The following GAREM1 variants were observed in gnomAD, a reference collection of about 807,000 sequenced individuals.
The protein encoded by GAREM1 is GRB2 associated regulator of MAPK1 subtype 1.
In GAREM1, 26 loss-of-function variants were observed where a neutral mutation model predicts 71.3. The observed-to-expected ratio is 0.36, with a 90% CI of 0.27 to 0.51. The LOEUF (loss-of-function observed/expected upper bound fraction) is 0.51. Among genes scored for constraint, GAREM1 ranks in the 20% least tolerant of loss-of-function variants. The pLI is 0.95. For missense variants in GAREM1, 1,026 were observed against 1,103.1 expected (o/e 0.93, Z 0.99); for synonymous variants, 440 against 433.2 (o/e 1.02, Z -0.20).
chr18:32,275,055 T>C lies in GAREM1; in HGVS notation c.1567-4672A>G, dbSNP rs560552472. Among the ~76,000 whole-genome samples, 3 of 152,108 alleles carry C rather than the reference T, an allele frequency of 2.0e-5. No individual in the cohort carries two copies. In the South Asian group the frequency reaches 6.2e-4, roughly 32 times the overall value. On this transcript the variant is annotated intron_variant, in intron 4 of 5. Coordinates refer to ENST00000269209, the MANE Select transcript of GAREM1 (RefSeq NM_001242409.2). ...TTACTGACAAGTCATTTGGGCTGAATGTTAAGTTTTTTTGGTGACCCTGAG... is the reference window on the plus strand; with the variant it reads ...TTACTGACAAGTCATTTGGGCTGAACGTTAAGTTTTTTTGGTGACCCTGAG...
At chr18:32,405,200 CT>C (rs929480602) in intron 1 of GAREM1, among the ~76,000 whole-genome samples, 32 of 149,512 alleles carry the variant, frequency 2.1e-4, no homozygotes, top group African/African-American at 6.9e-4. Flanking sequence ...TTTTTTTTTT[CT>C]TTTTTTTGTC....
Position 32,470,867 on chromosome 18 carries a change from G to T in GAREM1, c.-439C>A, listed in dbSNP as rs1427297250. ...CGGGTCTGAGAAACGCCATAGCAGCGCTCCCAGCACTGACTAATCAACAAG... is the reference window on the plus strand; with the variant it reads ...CGGGTCTGAGAAACGCCATAGCAGCTCTCCCAGCACTGACTAATCAACAAG... On this transcript the variant is annotated 5_prime_UTR_variant, in exon 1 of 6. Coordinates refer to ENST00000269209, the MANE Select transcript of GAREM1 (RefSeq NM_001242409.2). The surrounding 1 kb of genome is among the most constrained non-coding windows in gnomAD (Gnocchi z 4.4). Among the ~76,000 whole-genome samples, 1 of 150,704 alleles carries T rather than the reference G, an allele frequency of 6.6e-6. No individual in the cohort carries two copies. Among genetic ancestry groups the T allele is most frequent in the Non-Finnish European group, 1.5e-5 (1 of 67,554 alleles).
chr18:32,418,563 C>T (rs986631939), intron 1 of GAREM1, among the ~76,000 whole-genome samples: 4 of 152,210 alleles, frequency 2.6e-5, no homozygotes, highest in African/African-American at 9.6e-5. Context: ...AACCTGTATC[C>T]TCAAATCACT....
At chr18:32,452,649 G>C (rs1464179565) in intron 1 of GAREM1, among the ~76,000 whole-genome samples, 1 of 152,154 alleles carries the variant, frequency 6.6e-6, no homozygotes, top group Non-Finnish European at 1.5e-5. Context: ...CCTTGAGGAT[G>C]AGTATCACAT....
chr18:32,313,480 G>A (rs2047344833), intron 2 of GAREM1, among the ~76,000 whole-genome samples: 1 of 152,182 alleles, frequency 6.6e-6, no homozygotes, highest in African/African-American at 2.4e-5. Flanking sequence ...ATGGCAAACA[G>A]CTAAATGACT....
chr18:32,409,324 T>C (rs993997767), intron 1 of GAREM1, among the ~76,000 whole-genome samples: 3 of 152,230 alleles, frequency 2.0e-5, no homozygotes, highest in Non-Finnish European at 2.9e-5. Flanking sequence ...GATCTCTTCC[T>C]ACCTTAAACA....
In GAREM1 at chr18:32,287,628, G is replaced by A. The variant is rs1307052414; in HGVS notation, c.969C>T (p.Val323=). ...VKGESWPETL[V]HHWLGICQEQ... ...CTTGGCAGATACCTAGCCAGTGATG[G>A]ACCAGGGTTTCGGGCCAGCTCTCTC... Residue 323 remains valine, a synonymous_variant, in exon 4 of 6, where the codon GTC becomes GTT. Coordinates refer to ENST00000269209, the MANE Select transcript of GAREM1 (RefSeq NM_001242409.2). This position sits in a 1 kb window ranked among gnomAD's most constrained non-coding sequence, Gnocchi z 5.9. 4 of 1,614,064 alleles carry A rather than the reference G, an allele frequency of 2.5e-6. No individual in the cohort carries two copies. The highest frequency in any genetic ancestry group is 2.5e-6 in the Non-Finnish European group (3 of 1,180,048).
At chr18:32,426,944 C>T (rs965111521) in intron 1 of GAREM1, among the ~76,000 whole-genome samples, 7 of 152,152 alleles carry the variant, frequency 4.6e-5, no homozygotes, top group African/African-American at 1.7e-4. Flanking sequence ...TACACTTTCC[C>T]TCCATATATA....
At chr18:32,375,973 T>C (rs2048026905) in intron 2 of GAREM1, among the ~76,000 whole-genome samples, 1 of 152,092 alleles carries the variant, frequency 6.6e-6, no homozygotes, top group South Asian at 2.1e-4. Context: ...GAAGTCTGCA[T>C]GAACTTAGTT....
chr18:32,318,185 T>G (rs1344500579), intron 2 of GAREM1, among the ~76,000 whole-genome samples: 1 of 152,184 alleles, frequency 6.6e-6, no homozygotes, highest in East Asian at 1.9e-4. Flanking sequence ...TAAATAAATT[T>G]ATGGTAATAT....
chr18:32,446,827 G>T (rs143158104), intron 1 of GAREM1, among the ~76,000 whole-genome samples: 6 of 152,220 alleles, frequency 3.9e-5, no homozygotes, highest in African/African-American at 1.2e-4. Flanking sequence ...AATAAATGTG[G>T]GGATTAAAAC....
intron 1 of GAREM1, among the ~76,000 whole-genome samples, chr18:32,408,209 C>T (rs2048383903): frequency 6.6e-6 from 1 of 152,074 alleles, no homozygotes; most frequent in South Asian, 2.1e-4. Context: ...CTTTTGCTAA[C>T]TCTAGATTAC....
At chr18:32,394,448 T>C (rs2048231809) in intron 1 of GAREM1, among the ~76,000 whole-genome samples, 1 of 152,096 alleles carries the variant, frequency 6.6e-6, no homozygotes, top group Non-Finnish European at 1.5e-5. Context: ...ACAGTCTTAA[T>C]GCAGGAATAC....
At chr18:32,402,131 A>G (rs1197559704) in intron 1 of GAREM1, among the ~76,000 whole-genome samples, 2 of 152,224 alleles carry the variant, frequency 1.3e-5, no homozygotes, top group East Asian at 1.9e-4. Flanking sequence ...ATTTTGTGAC[A>G]TAATTATTCT....
At chr18:32,315,481 GAT>G in intron 2 of GAREM1, among the ~76,000 whole-genome samples, 1 of 143,626 alleles carries the variant, frequency 7.0e-6, no homozygotes, top group Non-Finnish European at 1.5e-5. Context: ...TATAAAAGTA[GAT>G]ATATATAAAA....
At chr18:32,295,081 T>C (rs1236720439) in intron 3 of GAREM1, among the ~76,000 whole-genome samples, 1 of 152,104 alleles carries the variant, frequency 6.6e-6, no homozygotes, top group African/African-American at 2.4e-5. Context: ...TGTTTTGTTT[T>C]TGAGATGGAG....
At chr18:32,396,915 G>C (rs1324712864) in intron 1 of GAREM1, among the ~76,000 whole-genome samples, 1 of 152,122 alleles carries the variant, frequency 6.6e-6, no homozygotes, top group Non-Finnish European at 1.5e-5. Context: ...AGAAAGGTCG[G>C]GTTATCCACA....
intron 2 of GAREM1, among the ~76,000 whole-genome samples, chr18:32,347,180 AAGAT>A (rs2047704822): frequency 6.6e-6 from 1 of 152,136 alleles, no homozygotes; most frequent in Admixed American, 6.5e-5. Context: ...GAGAGAATAA[AAGAT>A]TAAAGTCTTA....
intron 2 of GAREM1, among the ~76,000 whole-genome samples, chr18:32,374,461 C>G (rs996674006): frequency 4.8e-4 from 73 of 152,348 alleles, no homozygotes; most frequent in Admixed American, 8.5e-4. Flanking sequence ...GCTTAAGCTG[C>G]ACTGATAGTA....
Sources: gnomAD v4.1 joint callset for allele counts (sites outside exome capture counted in the v4.1 genomes callset) on GRCh38, gnomAD v4.1.1 for gene constraint, Gnocchi (gnomAD v3.1) non-coding constraint, MANE v1.5 for transcripts, NCBI Gene and HGNC (gene_info 2026-07-23, HGNC 2026-07-21) for gene names.